OAS2: variants seen among roughly 807,000 people sequenced by gnomAD.
OAS2 encodes 2'-5'-oligoadenylate synthetase 2, also known as 2'-5'-oligoadenylate synthase 2.
OAS2 carries 67 observed loss-of-function variants against 71.3 expected under a neutral mutation model. That is an observed-to-expected ratio of 0.94 (90% CI 0.77 to 1.15). OAS2 has a LOEUF of 1.15. OAS2 is among the 50% of genes most tolerant of loss of function. OAS2 has a pLI of 0.00. For missense variants in OAS2, 789 were observed against 822.5 expected, an observed-to-expected ratio of 0.96 and a Z score of 0.50; for synonymous variants, 327 against 321.8, an observed-to-expected ratio of 1.02 and a Z score of -0.17.
chr12:113,005,395 T>C (rs561207651), intron 7 of OAS2, among the ~76,000 whole-genome samples, 173 bp downstream of exon 7: 1 of 152,026 alleles, frequency 6.6e-6, no homozygotes. Flanking sequence ...TTTGGTCCCA[T>C]TTCTCTTTTC....
chr12:113,006,679 A>G (rs2044338110), intron 8 of OAS2, 79 bp downstream of exon 8: 2 of 1,285,814 alleles, frequency 1.6e-6, no homozygotes, highest in Non-Finnish European at 2.1e-6. Flanking sequence ...GTTGCCCACA[A>G]TCTCCCATGC....
intron 2 of OAS2, chr12:112,988,783 A>G (rs2044164366): frequency 1.0e-6 from 1 of 965,314 alleles, no homozygotes. Flanking sequence ...GTCGTTTCTA[A>G]TAAATTTGCT....
At chr12:112,999,443 GATTA>G (rs2044264283) in intron 5 of OAS2, among the ~76,000 whole-genome samples, 1 of 152,236 alleles carries the variant, frequency 6.6e-6, no homozygotes, top group Admixed American at 6.5e-5. Context: ...TTCACAGACA[GATTA>G]ATTTATATTC....
chr12:112,988,641 T>TA (rs1486126860), intron 2 of OAS2: 3 of 985,340 alleles, frequency 3.0e-6, no homozygotes, highest in East Asian at 2.3e-4. Flanking sequence ...CAATACCCCC[T>TA]ACCTTTAGTG....
At chr12:112,993,773 G>C (rs1293760) in intron 2 of OAS2, among the ~76,000 whole-genome samples, 101,275 of 151,886 alleles carry the variant, frequency 0.67, 35,265 homozygotes, top group East Asian at 0.92. Flanking sequence ...GAAGGCTGAG[G>C]CAGGAGGATC....
intron 4 of OAS2, among the ~76,000 whole-genome samples, chr12:112,998,065 T>C (rs1192514106): frequency 6.6e-6 from 1 of 152,198 alleles, no homozygotes; most frequent in Admixed American, 6.5e-5. Flanking sequence ...TGTTATTTTA[T>C]TAATAGAATG....
intron 8 of OAS2, among the ~76,000 whole-genome samples, chr12:113,007,067 C>T (rs923608312): frequency 1.3e-5 from 2 of 152,206 alleles, no homozygotes; most frequent in African/African-American, 4.8e-5. Context: ...GATCCTCAGG[C>T]AGGTAACCCC....
rs779529918 is a variant in OAS2 at position 113,004,969 on chromosome 12, T to C, written c.1215T>C (p.Thr405=). ...CCGCCAAAGGCACAGCTCTGAAGACTGGCTCTGATGCCGATCTCGTCGTGT... is the reference window on the plus strand; with the variant it reads ...CCGCCAAAGGCACAGCTCTGAAGACCGGCTCTGATGCCGATCTCGTCGTGT... The part of the protein sequence containing the change: ...GSTAKGTALK[T]GSDADLVVFH... The change falls in exon 7 of 10, where the codon ACT becomes ACC. Residue 405 remains threonine, a synonymous_variant. Coordinates refer to ENST00000392583, the MANE Select transcript of OAS2 (RefSeq NM_002535.3). The C allele has an allele frequency of 6.2e-6, 10 of 1,613,766 alleles. No homozygotes were observed. The South Asian group carries it at 1.1e-4, about 18-fold the overall frequency.
intron 1 of OAS2, among the ~76,000 whole-genome samples, chr12:112,980,067 G>A (rs1265978821): frequency 6.6e-6 from 1 of 151,944 alleles, no homozygotes; most frequent in African/African-American, 2.4e-5. Context: ...TCTTTTCATT[G>A]TTGTGTCAAT....
chr12:113,001,947 A>G (rs914344922), intron 5 of OAS2, among the ~76,000 whole-genome samples: 2 of 150,792 alleles, frequency 1.3e-5, no homozygotes, highest in South Asian at 4.2e-4. Context: ...AGGCTGGAGG[A>G]TCCCTTGAGC....
At chr12:112,981,161 T>A (rs892935702) in intron 1 of OAS2, among the ~76,000 whole-genome samples, 1 of 152,228 alleles carries the variant, frequency 6.6e-6, no homozygotes, top group East Asian at 1.9e-4. Context: ...TCTCCCATTC[T>A]ACAGCTTGTC....
chr12:112,980,079 C>A (rs2044066454), intron 1 of OAS2, among the ~76,000 whole-genome samples: 1 of 151,740 alleles, frequency 6.6e-6, no homozygotes, highest in Non-Finnish European at 1.5e-5. Flanking sequence ...TGTGTCAATT[C>A]CATTATGTGA....
In OAS2 at chr12:112,987,045, C is replaced by T; in HGVS notation, c.185C>T (p.Ser62Phe). 6.2e-7 allele frequency: 1 copy of T among 1,609,126 alleles called. No homozygotes were observed. Among genetic ancestry groups the T allele is most frequent in the Non-Finnish European group, 8.5e-7 (1 of 1,176,118 alleles). ...PLVQGVAIGG[S>F]YGRKTVLRGN... ...CTTCTTTGTCACTGGCAGGGTGGCT[C>T]CTATGGACGGAAAACAGTCTTAAGA... Residue 62 changes from serine (S) to phenylalanine (F), a missense_variant, in exon 2 of 10, where the codon TCC (serine) becomes TTC (phenylalanine). Physicochemically the swap from Ser to Phe is radical, Grantham distance 155. Coordinates refer to ENST00000392583, the MANE Select transcript of OAS2 (RefSeq NM_002535.3).
intron 1 of OAS2, among the ~76,000 whole-genome samples, chr12:112,985,977 A>C (rs1216881357): frequency 6.6e-6 from 1 of 152,228 alleles, no homozygotes; most frequent in East Asian, 1.9e-4. Flanking sequence ...GTCTCTAAAA[A>C]ATTAAATAAA....
intron 1 of OAS2, among the ~76,000 whole-genome samples, chr12:112,981,759 C>T (rs2044085344): frequency 6.6e-6 from 1 of 151,970 alleles, no homozygotes; most frequent in South Asian, 2.1e-4. Flanking sequence ...AAAAATGTCA[C>T]TGGTATTTAT....
chr12:113,008,303 G>A (rs1326942628), intron 9 of OAS2, among the ~76,000 whole-genome samples: 1 of 152,072 alleles, frequency 6.6e-6, no homozygotes, highest in Non-Finnish European at 1.5e-5. Flanking sequence ...TTCAAGAATA[G>A]TAAGAAATCA....
At position 112,978,543 on chromosome 12, in the gene OAS2, A is replaced by C; in HGVS notation, c.-66A>C. 1 of 1,560,224 alleles carries C rather than the reference A, an allele frequency of 6.4e-7. No individual in the cohort carries two copies. The highest frequency in any genetic ancestry group is 1.4e-5 in the African/African-American group (1 of 73,696). Reference sequence around the variant, plus strand: ...CAGTTTCAGTTTCCTGGCTCTGGGCAGCAGCAAGAATTCCTCTGCCTCCCA... The same window carrying C: ...CAGTTTCAGTTTCCTGGCTCTGGGCCGCAGCAAGAATTCCTCTGCCTCCCA... On this transcript the variant is annotated 5_prime_UTR_variant, in exon 1 of 10. Transcript: ENST00000392583. The surrounding 1 kb of genome is among the most constrained non-coding windows in gnomAD (Gnocchi z 4.2).
rs1206256689 is a variant in OAS2 at position 113,003,103 on chromosome 12, G to A, written c.1179+1G>A. ...AACAGCCAAGATCCAGATTGTCCGG[G>A]TGAGCACTGGCCTTTCTCATGTCTT... On this transcript the variant is annotated splice_donor_variant, in intron 6 of 9. Coordinates refer to ENST00000392583, the MANE Select transcript of OAS2 (RefSeq NM_002535.3). LOFTEE classifies it high-confidence loss of function. 3 of 1,614,068 alleles carry A rather than the reference G, an allele frequency of 1.9e-6. No homozygotes were observed. The highest frequency in any genetic ancestry group is 2.5e-6 in the Non-Finnish European group (3 of 1,179,932).
intron 1 of OAS2, among the ~76,000 whole-genome samples, chr12:112,984,255 A>G (rs1251237286): frequency 6.6e-6 from 1 of 152,206 alleles, no homozygotes; most frequent in Non-Finnish European, 1.5e-5. Context: ...ATATATGTCT[A>G]TATACATATA....
Sources: gnomAD v4.1 joint callset for allele counts (sites outside exome capture counted in the v4.1 genomes callset) on GRCh38, gnomAD v4.1.1 for gene constraint, Gnocchi (gnomAD v3.1) non-coding constraint, MANE v1.5 for transcripts, NCBI Gene and HGNC (gene_info 2026-07-23, HGNC 2026-07-21) for gene names.